The following RALB variants were observed in gnomAD, a reference collection of about 807,000 sequenced individuals.
The protein encoded by RALB is RAS like proto-oncogene B, also known as ras-related protein Ral-B.
In RALB, 16 loss-of-function variants were observed where a neutral mutation model predicts 21.3. That is an observed-to-expected ratio of 0.75 (90% CI 0.51 to 1.14). RALB has a LOEUF of 1.14. Ranked by LOEUF, RALB falls within the 50% of genes most tolerant of loss-of-function variation. The pLI, the probability that RALB is intolerant of heterozygous loss-of-function variation, is 0.00. For missense variants in RALB, 161 were observed against 256.2 expected (o/e 0.63, Z 2.54); for synonymous variants, 93 against 96.1 (o/e 0.97, Z 0.19).
chr2:120,255,244 A>G lies in RALB; in HGVS notation c.-48+2264A>G, dbSNP rs539523458. ...TACTGCTAAACAGCCCCTGCTCTAGACATGCAAGACGCTTGGTTTTTTTTT... is the reference window on the plus strand; with the variant it reads ...TACTGCTAAACAGCCCCTGCTCTAGGCATGCAAGACGCTTGGTTTTTTTTT... On this transcript the variant is annotated intron_variant, in intron 1 of 4. Transcript: ENST00000272519. Among the ~76,000 whole-genome samples, 3 of 152,100 alleles carry G rather than the reference A, an allele frequency of 2.0e-5. No individual in the cohort carries two copies. The South Asian group carries it at 6.2e-4, about 32-fold the overall frequency.
chr2:120,289,763 C>A lies in RALB; in HGVS notation c.501+6C>A. 1 of 1,591,340 alleles carries A rather than the reference C, an allele frequency of 6.3e-7. No individual in the cohort carries two copies. The highest frequency in any genetic ancestry group is 1.8e-5 in the Admixed American group (1 of 56,496). On this transcript the variant is annotated splice_donor_region_variant and intron_variant, in intron 4 of 4. Coordinates refer to ENST00000272519, the MANE Select transcript of RALB (RefSeq NM_002881.3). ...CCCGGGCCAACGTGGACAAGGTAGG[C>A]GTGAATTCTGTGTATTTCTCAGAAA...
intron 1 of RALB, 144 bp from the exon 2 acceptor site, chr2:120,278,474 G>C: frequency 1.3e-6 from 1 of 750,994 alleles, no homozygotes; most frequent in Non-Finnish European, 1.9e-6. Flanking sequence ...TGGAGGGCTC[G>C]CATGTCTGCC....
At chr2:120,275,715 C>G (rs768032429) in intron 1 of RALB, among the ~76,000 whole-genome samples, 3 of 152,072 alleles carry the variant, frequency 2.0e-5, no homozygotes, top group Non-Finnish European at 4.4e-5. Flanking sequence ...AAATAGGAGT[C>G]CACCATGTTG....
intron 1 of RALB, among the ~76,000 whole-genome samples, chr2:120,259,712 G>A (rs183217152): frequency 0.03 from 4,637 of 152,368 alleles, 117 homozygotes; most frequent in East Asian, 0.074. Flanking sequence ...CACCGGGGCT[G>A]CAGGTGGAGC....
chr2:120,253,511 C>T (rs1259105452), intron 1 of RALB: 2 of 985,634 alleles, frequency 2.0e-6, no homozygotes, highest in African/African-American at 3.5e-5. Flanking sequence ...CCTCCCCTTT[C>T]CTTTCTGATA....
intron 1 of RALB, among the ~76,000 whole-genome samples, chr2:120,276,808 A>G (rs867327009): frequency 1.5e-4 from 23 of 152,200 alleles, no homozygotes; most frequent in Middle Eastern, 3.4e-3. Flanking sequence ...CATTCCTGCA[A>G]GGTAGGTGGT....
intron 1 of RALB, chr2:120,253,489 C>T (rs1689114321): frequency 4.1e-6 from 4 of 985,680 alleles, no homozygotes; most frequent in Non-Finnish European, 4.8e-6. Context: ...AAAGTTGTTT[C>T]TCCCCCAGCC....
chr2:120,275,637 G>T (rs1180249351), intron 1 of RALB, among the ~76,000 whole-genome samples: 1 of 152,192 alleles, frequency 6.6e-6, no homozygotes, highest in Non-Finnish European at 1.5e-5. Context: ...CCAGTGATGT[G>T]TGTGTGTGTT....
intron 1 of RALB, among the ~76,000 whole-genome samples, chr2:120,240,375 C>T (rs545223851): frequency 1.3e-5 from 2 of 152,048 alleles, no homozygotes; most frequent in East Asian, 3.9e-4. Context: ...ACCTCCACCT[C>T]CCAGATTCAA....
At chr2:120,288,342 G>GTTT (rs547733377) in intron 3 of RALB, among the ~76,000 whole-genome samples, 6,452 of 116,562 alleles carry the variant, frequency 0.055, 1,425 homozygotes, top group African/African-American at 0.17. Context: ...GAAAATTTTA[G>GTTT]TTTTTTTTTT....
At chr2:120,265,677 A>C (rs1689484061) in intron 1 of RALB, among the ~76,000 whole-genome samples, 1 of 152,218 alleles carries the variant, frequency 6.6e-6, no homozygotes, top group Non-Finnish European at 1.5e-5. Flanking sequence ...ATGGACTGCT[A>C]GGGCTCCAGT....
intron 1 of RALB, among the ~76,000 whole-genome samples, chr2:120,263,965 A>G (rs1191445084): frequency 1.4e-5 from 2 of 139,076 alleles, no homozygotes; most frequent in East Asian, 4.4e-4. Flanking sequence ...CTCCCTGCCT[A>G]AGCCTCCCTG....
At chr2:120,257,802 C>T (rs1275194030) in intron 1 of RALB, among the ~76,000 whole-genome samples, 1 of 152,222 alleles carries the variant, frequency 6.6e-6, no homozygotes, top group African/African-American at 2.4e-5. Context: ...CCTCCTTCCT[C>T]CCACAGGAAG....
chr2:120,278,366 C>G (rs1689899405), intron 1 of RALB, among the ~76,000 whole-genome samples: 1 of 152,142 alleles, frequency 6.6e-6, no homozygotes, highest in East Asian at 1.9e-4. Flanking sequence ...CCTCTCCACC[C>G]TGCCCAGTGA....
At chr2:120,277,525 T>A (rs1553523414) in intron 1 of RALB, among the ~76,000 whole-genome samples, 1 of 145,184 alleles carries the variant, frequency 6.9e-6, no homozygotes, top group Non-Finnish European at 1.5e-5. Flanking sequence ...AGAGCGTATG[T>A]GAGTGTGTAG....
chr2:120,288,019 T>C (rs1450120157), intron 3 of RALB, among the ~76,000 whole-genome samples: 1 of 152,228 alleles, frequency 6.6e-6, no homozygotes, highest in Non-Finnish European at 1.5e-5. Flanking sequence ...CTTGAAACTT[T>C]TTCTGGAAAA....
chr2:120,243,042 T>C (rs1213063027), intron 1 of RALB, among the ~76,000 whole-genome samples: 1 of 152,204 alleles, frequency 6.6e-6, no homozygotes, highest in Non-Finnish European at 1.5e-5. Flanking sequence ...GAGAGAGAGC[T>C]CCCTTCGTTC....
chr2:120,282,130 C>T (rs1690004378), intron 2 of RALB, among the ~76,000 whole-genome samples: 1 of 152,088 alleles, frequency 6.6e-6, no homozygotes, highest in African/African-American at 2.4e-5. Context: ...GAAGATTCCC[C>T]TACAGTGTTA....
chr2:120,275,613 T>A (rs1410584831), intron 1 of RALB, among the ~76,000 whole-genome samples: 2 of 152,132 alleles, frequency 1.3e-5, no homozygotes, highest in South Asian at 2.1e-4. Context: ...TAAGATGATG[T>A]TGTTTTATTT....
Sources: allele counts gnomAD v4.1 joint callset (sites outside exome capture counted in the v4.1 genomes callset), GRCh38; gene constraint gnomAD v4.1.1; transcripts MANE v1.5; gene names NCBI Gene and HGNC (gene_info 2026-07-23, HGNC 2026-07-21).